Variants in USP6 observed in about 807,000 individuals in gnomAD.
USP6 encodes ubiquitin carboxyl-terminal hydrolase 6.
USP6 carries 128 observed loss-of-function variants against 175.7 expected under a neutral mutation model. The ratio of observed to expected loss-of-function variants is 0.73; its 90% CI spans 0.63 to 0.84. USP6 has a LOEUF of 0.84. USP6 is among the 40% of genes least tolerant of loss of function. The probability of loss-of-function intolerance (pLI) is 0.00; values close to 1 mark genes in which losing one functional copy is unlikely to be tolerated. For missense variants in USP6, 1,498 were observed against 1,760.3 expected, an observed-to-expected ratio of 0.85 and a Z score of 2.67; for synonymous variants, 562 against 630.6, an observed-to-expected ratio of 0.89 and a Z score of 1.63.
intron 2 of USP6, 148 bp from the exon 3 acceptor site, chr17:5,120,479 C>T (rs1161462381): frequency 6.2e-6 from 2 of 323,680 alleles, no homozygotes; most frequent in African/African-American, 2.2e-5. Context: ...TCCACCTCCA[C>T]CTTCAGGGTG....
intron 4 of USP6, among the ~76,000 whole-genome samples, chr17:5,122,366 G>A (rs1056777429): frequency 6.6e-6 from 1 of 152,166 alleles, no homozygotes; most frequent in African/African-American, 2.4e-5. Flanking sequence ...AGCAAGGTGG[G>A]TGGTGGTCGG....
rs184586786 is a variant in USP6, at chr17:5,174,149, T to C, written c.*1171T>C. On this transcript the variant is annotated 3_prime_UTR_variant, in exon 38 of 38. Transcript: ENST00000574788. ...CTTTTTTTAAATTTTACAGTAGTCA[T>C]TGAAAGTTATGTTTCTTTGCTTACT... 3.5e-5 allele frequency: 7 copies of C among 198,062 alleles called. No homozygotes were observed. In the Admixed American group the frequency reaches 4.2e-4, roughly 12 times the overall value. The allele number at this position is 198,062 out of a possible 1,614,324, so 12.3% of individuals were successfully genotyped here.
chr17:5,147,358 T>TAAAAA (rs1231947026), intron 29 of USP6, among the ~76,000 whole-genome samples, 164 bp downstream of exon 29: 2 of 152,190 alleles, frequency 1.3e-5, no homozygotes, highest in African/African-American at 4.8e-5. Flanking sequence ...ATGAGAAACC[T>TAAAAA]AAAATTTAGA....
In USP6 at chr17:5,137,700, G is replaced by A. The variant is rs1246336401; in HGVS notation, c.875G>A (p.Gly292Glu). ...LRLWDVYLVE[G>E]EQVLMPITSI... ...CTGTGGGACGTGTATTTGGTGGAAG[G>A]AGAACAGGTGTTGATGCCAATAACC... Residue 292 changes from glycine (G) to glutamate (E), a missense_variant, in exon 20 of 38, where the codon GGA (glycine) becomes GAA (glutamate). Physicochemically the swap from Gly to Glu is moderately conservative, Grantham distance 98. Transcript: ENST00000574788. 1 of 1,608,978 alleles carries A rather than the reference G, an allele frequency of 6.2e-7. No homozygotes were observed. Among genetic ancestry groups the A allele is most frequent in the Non-Finnish European group, 8.5e-7 (1 of 1,176,528 alleles).
rs548326526 is a variant in USP6 at position 5,164,625 on chromosome 17, T to A, written c.3036+1621T>A. On this transcript the variant is annotated intron_variant, in intron 33 of 37. Transcript: ENST00000574788. Reference sequence around the variant, plus strand: ...GAAACGGCCTACGTGACCTGTTAAATCTTACCCTACTTCCACTTTCAGTGA... The same window carrying A: ...GAAACGGCCTACGTGACCTGTTAAAACTTACCCTACTTCCACTTTCAGTGA... 2.0e-5 allele frequency among the ~76,000 whole-genome samples: 3 copies of A among 152,386 alleles called. No homozygotes were observed. In the South Asian group the frequency reaches 6.2e-4, roughly 32 times the overall value.
At chr17:5,142,620 C>G in intron 25 of USP6, 118 bp downstream of exon 25, 1 of 1,424,476 alleles carries the variant, frequency 7.0e-7, no homozygotes, top group Non-Finnish European at 9.3e-7. Flanking sequence ...GGATCCTTTA[C>G]TTGGTATAAA....
rs774218459 is a variant in USP6, at chr17:5,142,101, C to A, written c.1672C>A (p.Gln558Lys). ...CGTTAGTAACACACAGCCACTGACA[C>A]AGTATTTTATCTCAGGGAGACATCT... ...QCVSNTQPLT[Q>K]YFISGRHLYE... is the part of the protein sequence containing the mutation. Residue 558 changes from glutamine (Q) to lysine (K), a missense_variant, in exon 24 of 38, where the codon CAG becomes AAG. This residue lies in a region of USP6 where 1,217 missense variants were observed against 1,500.8 expected (regional missense o/e 0.81). Coordinates refer to ENST00000574788, the MANE Select transcript of USP6 (RefSeq NM_001304284.2). 3.1e-6 allele frequency: 5 copies of A among 1,613,578 alleles called. No homozygotes were observed. Among genetic ancestry groups the A allele is most frequent in the Non-Finnish European group, 4.2e-6 (5 of 1,179,818 alleles).
chr17:5,140,955 T>A (rs1235465217), intron 22 of USP6, among the ~76,000 whole-genome samples: 1 of 152,208 alleles, frequency 6.6e-6, no homozygotes, highest in Non-Finnish European at 1.5e-5. Flanking sequence ...ATTTCTTAAA[T>A]TTTTTTAAGA....
At chr17:5,163,148 CAT>C (rs2074037851) in intron 33 of USP6, 144 bp downstream of exon 33, 1 of 1,278,808 alleles carries the variant, frequency 7.8e-7, no homozygotes, top group South Asian at 2.0e-5. Flanking sequence ...AATATATTGA[CAT>C]GTTTGCTTGA....
Position 5,132,337 on chromosome 17 carries a change from A to G in USP6, c.156-59A>G. 1 of 1,611,938 alleles carries G rather than the reference A, an allele frequency of 6.2e-7. No individual in the cohort carries two copies. Among genetic ancestry groups the G allele is most frequent in the Non-Finnish European group, 8.5e-7 (1 of 1,179,790 alleles). On this transcript the variant is annotated intron_variant, in intron 11 of 37. Transcript: ENST00000574788. This position sits in a 1 kb window ranked among gnomAD's most constrained non-coding sequence, Gnocchi z 4.7. ...CAGTCCTTTCTGGGGGTCGGCTCCC[A>G]GGCTTGGGCGGCTCCAGGCCCTGTG...
intron 15 of USP6, 196 bp from the exon 16 acceptor site, chr17:5,135,038 T>C: frequency 3.3e-6 from 2 of 607,004 alleles, no homozygotes; most frequent in Non-Finnish European, 6.0e-6. Context: ...CAACTCACTG[T>C]AGAACTGGGC....
chr17:5,166,975 A>C lies in USP6; in HGVS notation c.3037-957A>C, dbSNP rs528932712. Among the ~76,000 whole-genome samples the C allele has an allele frequency of 9.8e-5, 15 of 152,286 alleles. 1 individual carries two copies. In the East Asian group the frequency reaches 2.7e-3, roughly 27 times the overall value. On this transcript the variant is annotated intron_variant, in intron 33 of 37. Transcript: ENST00000574788. Reference sequence around the variant, plus strand: ...GTGGGTATTAGAGGCCTTCTCAACAAAAGCAGCACACTCTTGAGCTTGTTC... The same window carrying C: ...GTGGGTATTAGAGGCCTTCTCAACACAAGCAGCACACTCTTGAGCTTGTTC...
Position 5,172,949 on chromosome 17 carries a change from G to C in USP6, c.4192G>C (p.Asp1398His), listed in dbSNP as rs1381503753. 1 of 1,613,962 alleles carries C rather than the reference G, an allele frequency of 6.2e-7. No individual in the cohort carries two copies. The highest frequency in any genetic ancestry group is 8.5e-7 in the Non-Finnish European group (1 of 1,179,850). The change falls in exon 38 of 38, where the codon GAT becomes CAT. Residue 1398 changes from aspartate (D) to histidine (H), a missense_variant. By Grantham distance (81) the Asp-to-His change is moderately conservative (BLOSUM62 -1). Around this residue, in one of 2 missense-constraint regions of USP6, gnomAD observed 1,217 missense variants for 1,500.8 expected, o/e 0.81. Transcript: ENST00000574788. The stretch of plus-strand genomic sequence containing the variant: ...CAGTACGGATGAAGACTCTGAGTCT[G>C]ATTACGAAAAGTACTCTATGTTACA... ...TSSTDEDSES[D>H]YEKYSMLQ
intron 17 of USP6, 80 bp downstream of exon 17, chr17:5,136,008 C>T: frequency 6.3e-7 from 1 of 1,590,916 alleles, no homozygotes; most frequent in South Asian, 1.1e-5. Flanking sequence ...CGGCTTTCAG[C>T]CAAGGCACAC....
intron 2 of USP6, among the ~76,000 whole-genome samples, chr17:5,120,183 C>G (rs779932977): frequency 6.6e-6 from 1 of 152,204 alleles, no homozygotes; most frequent in Non-Finnish European, 1.5e-5. Flanking sequence ...TTGCTTTCCT[C>G]CAGCAGATTA....
rs956242760 is a variant in USP6 at position 5,155,279 on chromosome 17, G to A, written c.2644-143G>A. 22 of 1,016,856 alleles carry A rather than the reference G, an allele frequency of 2.2e-5. 1 individual carries two copies. The highest frequency in any genetic ancestry group is 3.1e-5 in the Non-Finnish European group (22 of 700,988). 63.0% of individuals were successfully genotyped at this position (1,016,856 alleles called of 1,614,324 possible). On this transcript the variant is annotated intron_variant, in intron 30 of 37. Coordinates refer to ENST00000574788, the MANE Select transcript of USP6 (RefSeq NM_001304284.2). The stretch of plus-strand genomic sequence containing the variant: ...AAACCGTTCTCTTTGTGTCAATAAA[G>A]ATGGTTTTATAAACATAGAGAAGAA...
chr17:5,143,913 A>T (rs75515459), intron 25 of USP6, among the ~76,000 whole-genome samples: 2 of 152,110 alleles, frequency 1.3e-5, no homozygotes, highest in African/African-American at 4.8e-5. Flanking sequence ...GCAGCAGAGT[A>T]AGACTCTGTC....
Position 5,147,117 on chromosome 17 carries a change from C to CA in USP6, c.2355dup (p.Val786SerfsTer9), listed in dbSNP as rs1567797886. 4 of 1,613,732 alleles carry CA rather than the reference C, an allele frequency of 2.5e-6. No individual in the cohort carries two copies. The highest frequency in any genetic ancestry group is 3.4e-6 in the Non-Finnish European group (4 of 1,179,820). The stretch of plus-strand genomic sequence containing the variant: ...CAGGATAACCAAAAAGTACAACTCT[C>CA]AGTGAGCGGATTTTTGTGTGCATTT... On this transcript the variant is annotated frameshift_variant, in exon 29 of 38. Coordinates refer to ENST00000574788, the MANE Select transcript of USP6 (RefSeq NM_001304284.2). LOFTEE classifies it high-confidence loss of function.
In USP6 at chr17:5,138,197, C is replaced by G; in HGVS notation, c.1002C>G (p.Asn334Lys). The change falls in exon 21 of 38, where the codon AAC becomes AAG. Residue 334 changes from asparagine to lysine, a missense_variant. Around this residue, in one of 2 missense-constraint regions of USP6, gnomAD observed 1,217 missense variants for 1,500.8 expected, o/e 0.81. Coordinates refer to ENST00000574788, the MANE Select transcript of USP6 (RefSeq NM_001304284.2). ...AATTCTTCGATACCTGGGCCATGAA[C>G]GATGACACCGTGCTCAAGCATCTTA... ...RNQFFDTWAMNDDTVLKHLRA... is the reference protein window; with the variant it reads ...RNQFFDTWAMKDDTVLKHLRA... 1.2e-6 allele frequency: 2 copies of G among 1,614,068 alleles called. No homozygotes were observed. The highest frequency in any genetic ancestry group is 8.5e-7 in the Non-Finnish European group (1 of 1,179,992).
Sources: gnomAD v4.1 joint callset for allele counts (sites outside exome capture counted in the v4.1 genomes callset) on GRCh38, gnomAD v4.1.1 for gene constraint, gnomAD v4.1.1 regional missense constraint, Gnocchi (gnomAD v3.1) non-coding constraint, MANE v1.5 for transcripts, NCBI Gene and HGNC (gene_info 2026-07-23, HGNC 2026-07-21) for gene names.